The following KIAA0825 variants were observed in gnomAD, a reference collection of about 807,000 sequenced individuals.
KIAA0825 encodes KIAA0825, also known as uncharacterized protein KIAA0825.
A neutral mutation model predicts 147.6 loss-of-function variants in KIAA0825; 119 were observed. The ratio of observed to expected loss-of-function variants is 0.81; its 90% confidence interval spans 0.69 to 0.94. The LOEUF is 0.94. Among genes scored for constraint, KIAA0825 ranks in the 40% least tolerant of loss-of-function variants. KIAA0825 has a pLI of 0.00. For missense variants in KIAA0825, 1,381 were observed against 1,472.7 expected (o/e 0.94, Z 1.02); for synonymous variants, 470 against 518.1 (o/e 0.91, Z 1.26).
chr5:94,180,802 A>T (rs562684861), intron 20 of KIAA0825, among the ~76,000 whole-genome samples: 18 of 152,084 alleles, frequency 1.2e-4, no homozygotes, highest in Admixed American at 3.9e-4. Flanking sequence ...AGAGTACTCA[A>T]ATATTTTTGT....
chr5:94,582,806 AT>A (rs1207559203), intron 1 of KIAA0825, among the ~76,000 whole-genome samples: 2 of 152,188 alleles, frequency 1.3e-5, no homozygotes, highest in Non-Finnish European at 2.9e-5. Context: ...AACACAGGTA[AT>A]AGGGGCACCT....
At chr5:94,222,465 C>A in intron 20 of KIAA0825, among the ~76,000 whole-genome samples, 1 of 152,084 alleles carries the variant, frequency 6.6e-6, no homozygotes, top group South Asian at 2.1e-4. Flanking sequence ...TTATTTTGAA[C>A]AATCAAGAAA....
Position 94,396,357 on chromosome 5 carries a change from G to C in KIAA0825, c.3040C>G (p.Leu1014Val), listed in dbSNP as rs1750651573. 2 of 1,550,766 alleles carry C rather than the reference G, an allele frequency of 1.3e-6. No homozygotes were observed. The highest frequency in any genetic ancestry group is 2.0e-5 in the Admixed American group (1 of 50,828). ...ATAATTACAATCAAGTTCCAGACAAGCAGGCCAGCTTTCTTCAATTCAACA... is the reference window on the plus strand; with the variant it reads ...ATAATTACAATCAAGTTCCAGACAACCAGGCCAGCTTTCTTCAATTCAACA... The part of the protein sequence containing the change: ...KFVELKKAGL[L>V]VWNLIVIICR... Residue 1014 changes from leucine (L) to valine (V), a missense_variant, in exon 17 of 21, where the codon CTT becomes GTT. Physicochemically the swap from Leu to Val is conservative, Grantham distance 32. Transcript: ENST00000682413.
At chr5:94,576,560 A>G (rs1406235468) in intron 2 of KIAA0825, among the ~76,000 whole-genome samples, 1 of 152,170 alleles carries the variant, frequency 6.6e-6, no homozygotes, top group Non-Finnish European at 1.5e-5. Flanking sequence ...CCCACAAACA[A>G]GAAGCCTCTA....
chr5:94,609,290 C>G (rs2152435061), intron 1 of KIAA0825, among the ~76,000 whole-genome samples: 1 of 152,278 alleles, frequency 6.6e-6, no homozygotes, highest in Admixed American at 6.5e-5. Flanking sequence ...TTAAGCCAGA[C>G]ATTGAAGAGA....
intron 20 of KIAA0825, among the ~76,000 whole-genome samples, chr5:94,376,134 A>G (rs1231851645): frequency 6.6e-6 from 1 of 152,210 alleles, no homozygotes; most frequent in Non-Finnish European, 1.5e-5. Flanking sequence ...ATATGTGTAT[A>G]TAAATCACCT....
At chr5:94,498,669 C>A (rs769602116) in intron 5 of KIAA0825, among the ~76,000 whole-genome samples, 1 of 152,204 alleles carries the variant, frequency 6.6e-6, no homozygotes, top group Non-Finnish European at 1.5e-5. Flanking sequence ...CTTCTAAGTT[C>A]AGAGTCCTGG....
At chr5:94,246,807 A>G (rs1409563176) in intron 20 of KIAA0825, among the ~76,000 whole-genome samples, 1 of 152,188 alleles carries the variant, frequency 6.6e-6, no homozygotes, top group Non-Finnish European at 1.5e-5. Flanking sequence ...CAGCAAAGCC[A>G]AGATCCAAAC....
intron 20 of KIAA0825, among the ~76,000 whole-genome samples, chr5:94,356,431 C>T (rs531486587): frequency 1.3e-4 from 20 of 151,564 alleles, no homozygotes; most frequent in Non-Finnish European, 1.8e-4. Context: ...CATGGTGAAA[C>T]CCCGTCTCTA....
intron 2 of KIAA0825, among the ~76,000 whole-genome samples, chr5:94,555,445 T>C (rs1776362863): frequency 6.6e-6 from 1 of 152,152 alleles, no homozygotes; most frequent in Non-Finnish European, 1.5e-5. Flanking sequence ...CTAGATTATC[T>C]ATATATATCT....
intron 1 of KIAA0825, among the ~76,000 whole-genome samples, chr5:94,604,889 C>T (rs1213259170): frequency 1.3e-5 from 2 of 151,694 alleles, no homozygotes; most frequent in East Asian, 3.9e-4. Flanking sequence ...CAAGAAATAA[C>T]CAAAATAAGG....
chr5:94,358,301 A>C (rs1364742319), intron 20 of KIAA0825, among the ~76,000 whole-genome samples: 4 of 152,200 alleles, frequency 2.6e-5, no homozygotes, highest in African/African-American at 9.7e-5. Context: ...AAACTAGAGA[A>C]TAAGGTGGGA....
At chr5:94,169,457 C>T (rs1768383072) in intron 20 of KIAA0825, among the ~76,000 whole-genome samples, 1 of 151,700 alleles carries the variant, frequency 6.6e-6, no homozygotes, top group East Asian at 1.9e-4. Flanking sequence ...TGGCACATGC[C>T]TGTAATCCCA....
At chr5:94,444,596 G>A (rs1189958790) in intron 13 of KIAA0825, among the ~76,000 whole-genome samples, 1 of 152,074 alleles carries the variant, frequency 6.6e-6, no homozygotes, top group African/African-American at 2.4e-5. Context: ...AATCGGCAGA[G>A]ATGATGGCCA....
At chr5:94,265,030 GCCTTGGCCTC>G (rs571362708) in intron 20 of KIAA0825, among the ~76,000 whole-genome samples, 19 of 152,072 alleles carry the variant, frequency 1.2e-4, no homozygotes, top group African/African-American at 4.6e-4. Flanking sequence ...TGATCTGCCC[GCCTTGGCCTC>G]CCAAAGTGCT....
In KIAA0825 at chr5:94,579,242, C is replaced by T. The variant is rs192305080; in HGVS notation, c.-2+3191G>A. Among the ~76,000 whole-genome samples the T allele has an allele frequency of 4.0e-3, 616 of 152,214 alleles. 2 individuals carry two copies. The highest frequency in any genetic ancestry group is 5.9e-3 in the Non-Finnish European group (403 of 68,006). On this transcript the variant is annotated intron_variant, in intron 2 of 20. Coordinates refer to ENST00000682413, the MANE Select transcript of KIAA0825 (RefSeq NM_001145678.3). ...GAAACACACTGCTTATGTTTCAGTCCCAGCTCCATTACTTACTAGTTATAT... is the reference window on the plus strand; with the variant it reads ...GAAACACACTGCTTATGTTTCAGTCTCAGCTCCATTACTTACTAGTTATAT...
chr5:94,209,373 G>A (rs543060342), intron 20 of KIAA0825, among the ~76,000 whole-genome samples: 76 of 152,248 alleles, frequency 5.0e-4, no homozygotes, highest in African/African-American at 1.8e-3. Context: ...AACCATGCAA[G>A]TCTAAAAATT....
Position 94,383,427 on chromosome 5 carries a change from T to C in KIAA0825, c.3710+941A>G, listed in dbSNP as rs554378703. Among the ~76,000 whole-genome samples, 183 of 152,330 alleles carry C rather than the reference T, an allele frequency of 1.2e-3. 1 individual carries two copies. The highest frequency in any genetic ancestry group is 4.0e-3 in the African/African-American group (168 of 41,554). ...CAAGAATGATTTGACAATTCTACTA[T>C]GTTATTATCATTATTTTCTTTCAAA... On this transcript the variant is annotated intron_variant, in intron 20 of 20. Coordinates refer to ENST00000682413, the MANE Select transcript of KIAA0825 (RefSeq NM_001145678.3).
chr5:94,197,290 T>A (rs1322808343), intron 20 of KIAA0825, among the ~76,000 whole-genome samples: 2 of 152,238 alleles, frequency 1.3e-5, no homozygotes, highest in East Asian at 1.9e-4. Flanking sequence ...TCTGCTCATG[T>A]CCTTTGTACA....
Sources: allele counts gnomAD v4.1 joint callset (sites outside exome capture counted in the v4.1 genomes callset), GRCh38; gene constraint gnomAD v4.1.1; transcripts MANE v1.5; gene names NCBI Gene and HGNC (gene_info 2026-07-23, HGNC 2026-07-21).